OIT3: variants seen among roughly 807,000 people sequenced by gnomAD.
OIT3 encodes the protein oncoprotein-induced transcript 3 protein.
OIT3 carries 41 observed loss-of-function variants against 52.2 expected under a neutral mutation model. The ratio of observed to expected loss-of-function variants is 0.79; its 90% confidence interval spans 0.61 to 1.02. The LOEUF (loss-of-function observed/expected upper bound fraction) is 1.02. Among genes scored for constraint, OIT3 ranks in the 50% least tolerant of loss-of-function variants. OIT3 has a pLI of 0.00. For synonymous variants in OIT3, 244 were observed against 276.9 expected, an observed-to-expected ratio of 0.88 and a Z score of 1.18; for missense variants, 634 against 715.5, an observed-to-expected ratio of 0.89 and a Z score of 1.30.
intron 8 of OIT3, among the ~76,000 whole-genome samples, chr10:72,931,705 A>G (rs1304377011): frequency 6.6e-6 from 1 of 152,236 alleles, no homozygotes; most frequent in African/African-American, 2.4e-5. Context: ...GGCATATTAA[A>G]TATATTACAT....
In OIT3 at chr10:72,911,986, C is replaced by T. The variant is rs183685052; in HGVS notation, c.790+147C>T. 36 of 606,162 alleles carry T rather than the reference C, an allele frequency of 5.9e-5. No individual in the cohort carries two copies. The East Asian group carries it at 1.0e-3, about 18-fold the overall frequency. 37.5% of individuals were successfully genotyped at this position (606,162 alleles called of 1,614,324 possible). A position where few individuals can be genotyped will look rare whatever the true frequency, so the allele number is the denominator to read the frequency against. On this transcript the variant is annotated intron_variant, in intron 5 of 8. Transcript: ENST00000334011. Reference sequence around the variant, plus strand: ...AGCAGTGTGTATTGCTGAATCATCACTCTGGAATCATTTAACAGAGAAGAT... The same window carrying T: ...AGCAGTGTGTATTGCTGAATCATCATTCTGGAATCATTTAACAGAGAAGAT...
chr10:72,913,699 T>C (rs772349906), intron 6 of OIT3: 26 of 633,732 alleles, frequency 4.1e-5, no homozygotes, highest in South Asian at 3.6e-4. Flanking sequence ...GTCCCATCTC[T>C]CCAGCATGCA....
Position 72,893,846 on chromosome 10 carries a change from C to T in OIT3, c.48C>T (p.Ser16=), listed in dbSNP as rs749523877. 2.1e-5 allele frequency: 33 copies of T among 1,609,490 alleles called. No individual in the cohort carries two copies. The highest frequency in any genetic ancestry group is 2.0e-4 in the Admixed American group (12 of 59,238). The part of the protein sequence containing the change: ...LLTCLFITGT[S]VSPVALDPCS... The stretch of plus-strand genomic sequence containing the variant: ...CCTGCCTCTTCATCACAGGCACCTC[C>T]GTGTCACCCGTGGGTGAGTCTCATG... Residue 16 remains serine, a synonymous_variant, in exon 1 of 9, where the codon TCC becomes TCT. Coordinates refer to ENST00000334011, the MANE Select transcript of OIT3 (RefSeq NM_152635.3).
intron 6 of OIT3, among the ~76,000 whole-genome samples, chr10:72,919,374 TG>T (rs1428451736): frequency 2.0e-5 from 3 of 152,212 alleles, no homozygotes; most frequent in Non-Finnish European, 4.4e-5. Flanking sequence ...TTTCTAGATA[TG>T]GAATCTTGTC....
At chr10:72,924,671 T>C in intron 7 of OIT3, 27 bp downstream of exon 7, 3 of 1,557,330 alleles carry the variant, frequency 1.9e-6, no homozygotes, top group South Asian at 2.4e-5. Flanking sequence ...AATGGTCTCA[T>C]CACCCCTAGT....
At chr10:72,894,709 C>T (rs1444101394) in intron 1 of OIT3, among the ~76,000 whole-genome samples, 1 of 152,104 alleles carries the variant, frequency 6.6e-6, no homozygotes, top group Non-Finnish European at 1.5e-5. Flanking sequence ...GAAACTCCGT[C>T]TCTACTAAAA....
chr10:72,924,689 C>T (rs754034617), intron 7 of OIT3, 45 bp downstream of exon 7: 46 of 1,472,860 alleles, frequency 3.1e-5, no homozygotes, highest in Non-Finnish European at 3.8e-5. Context: ...AGTTCACATC[C>T]GGCCTCTAAG....
At chr10:72,928,682 A>G (rs1046114694) in intron 7 of OIT3, among the ~76,000 whole-genome samples, 6 of 152,150 alleles carry the variant, frequency 3.9e-5, no homozygotes, top group Non-Finnish European at 7.3e-5. Flanking sequence ...TAGGTATGCC[A>G]TGGATGTTTA....
At chr10:72,918,592 C>A in intron 6 of OIT3, 1 of 784,680 alleles carries the variant, frequency 1.3e-6, no homozygotes. Context: ...ACCACCACTG[C>A]TCAAGAGAAC....
At chr10:72,899,896 C>T (rs146722153) in intron 2 of OIT3, among the ~76,000 whole-genome samples, 4 of 152,222 alleles carry the variant, frequency 2.6e-5, no homozygotes, top group African/African-American at 9.6e-5. Flanking sequence ...CTGTCAATGT[C>T]TGTATTCATT....
At position 72,924,317 on chromosome 10, in the gene OIT3, C is replaced by A. The variant is rs374628069; in HGVS notation, c.1040C>A (p.Thr347Asn). 4 of 1,613,946 alleles carry A rather than the reference C, an allele frequency of 2.5e-6. No individual in the cohort carries two copies. The African/African-American group carries it at 4.0e-5, about 16-fold the overall frequency. Reference protein sequence around the residue: ...PGSSGDFIIRTSKLLIPVTCE... With the variant: ...PGSSGDFIIRNSKLLIPVTCE... ...AGCAGCGGGGACTTCATCATCCGAA[C>A]CAGCAAGCTGCTGATCCCGGTGACC... Residue 347 changes from threonine to asparagine, a missense_variant, in exon 7 of 9, where the codon ACC becomes AAC. Transcript: ENST00000334011.
chr10:72,932,250 A>T, intron 8 of OIT3, 104 bp from the exon 9 acceptor site: 1 of 1,023,420 alleles, frequency 9.8e-7, no homozygotes, highest in Non-Finnish European at 1.5e-6. Context: ...CCTTGTTAAG[A>T]TTACATGACT....
chr10:72,911,768 G>C lies in OIT3; in HGVS notation c.719G>C (p.Gly240Ala), dbSNP rs1342707538. ...NNGGCSHSCL[G>A]SEKGYQCECP... Reference sequence around the variant, plus strand: ...GGTGGCTGCAGCCACTCTTGCCTTGGATCTGAGAAAGGCTACCAGTGTGAA... The same window carrying C: ...GGTGGCTGCAGCCACTCTTGCCTTGCATCTGAGAAAGGCTACCAGTGTGAA... Residue 240 changes from glycine to alanine, a missense_variant, in exon 5 of 9, where the codon GGA becomes GCA. Gly to Ala is a moderately conservative substitution (Grantham distance 60). Transcript: ENST00000334011. The C allele has an allele frequency of 2.5e-6, 4 of 1,613,730 alleles. No homozygotes were observed. Among genetic ancestry groups the C allele is most frequent in the South Asian group, 2.2e-5 (2 of 91,048 alleles).
chr10:72,911,591 T>C, intron 4 of OIT3, 126 bp from the exon 5 acceptor site: 1 of 909,088 alleles, frequency 1.1e-6, no homozygotes, highest in South Asian at 1.8e-5. Context: ...TGCCCGAATG[T>C]CCAGTCACTA....
rs764124760 is a variant in OIT3 at position 72,930,579 on chromosome 10, A to T, written c.1409A>T (p.Asp470Val). Residue 470 changes from aspartate (D) to valine (V), a missense_variant, in exon 8 of 9, where the codon GAT becomes GTT. Transcript: ENST00000334011. ...DDSVKQYTSR[D>V]HLAKHFQVPV... ...TCGGTAAAGCAGTACACATCCCGGG[A>T]TCACCTAGCAAAGCACTTCCAGGTC... 1.2e-6 allele frequency: 2 copies of T among 1,612,964 alleles called. No homozygotes were observed. Among genetic ancestry groups the T allele is most frequent in the Non-Finnish European group, 1.7e-6 (2 of 1,179,574 alleles).
intron 6 of OIT3, 151 bp downstream of exon 6, chr10:72,913,619 C>T: frequency 1.4e-6 from 1 of 731,878 alleles, no homozygotes; most frequent in Non-Finnish European, 2.4e-6. Context: ...ATTCTTTTAA[C>T]CAACGTGTTA....
Position 72,932,734 on chromosome 10 carries a change from CTTTCTA to C in OIT3, c.*211_*216del. The C allele has an allele frequency of 2.1e-6, 1 of 476,930 alleles. No individual in the cohort carries two copies. Among genetic ancestry groups the C allele is most frequent in the Non-Finnish European group, 3.7e-6 (1 of 273,834 alleles). The allele number at this position is 476,930 out of a possible 1,614,324, so 29.5% of individuals were successfully genotyped here. On this transcript the variant is annotated 3_prime_UTR_variant, in exon 9 of 9. Transcript: ENST00000334011. Reference sequence around the variant, plus strand: ...CAATGTGGCCTGGGTGGGGTTTCATCTTTCTAGGGTTGAAAACTAAACTGTCCACCC... The same window carrying C: ...CAATGTGGCCTGGGTGGGGTTTCATCGGGTTGAAAACTAAACTGTCCACCC...
chr10:72,926,192 C>T (rs1846168406), intron 7 of OIT3, among the ~76,000 whole-genome samples: 3 of 152,208 alleles, frequency 2.0e-5, no homozygotes, highest in African/African-American at 7.2e-5. Context: ...GGGGGCTTGC[C>T]CTCTGCTGGG....
Position 72,930,619 on chromosome 10 carries a change from T to A in OIT3, c.1449T>A (p.Phe483Leu). Residue 483 changes from phenylalanine (F) to leucine (L), a missense_variant, in exon 8 of 9, where the codon TTT (phenylalanine) becomes TTA (leucine). Physicochemically the swap from Phe to Leu is conservative, Grantham distance 22. Transcript: ENST00000334011. ...ACTTCCAGGTCCCTGTCTTCAAGTT[T>A]GTGGGCAAAGACCACAAGGTGAGTT... ...AKHFQVPVFK[F>L]VGKDHKEVFL... 6.2e-7 allele frequency: 1 copy of A among 1,612,156 alleles called. No homozygotes were observed. Among genetic ancestry groups the A allele is most frequent in the South Asian group, 1.1e-5 (1 of 90,982 alleles).
Sources: allele counts gnomAD v4.1 joint callset (sites outside exome capture counted in the v4.1 genomes callset), GRCh38; gene constraint gnomAD v4.1.1; transcripts MANE v1.5; gene names NCBI Gene and HGNC (gene_info 2026-07-23, HGNC 2026-07-21).